PTP4A3: variants seen among roughly 807,000 people sequenced by gnomAD.
PTP4A3 encodes protein tyrosine phosphatase type IVA 3.
Under a neutral mutation model 15.2 loss-of-function variants are expected in PTP4A3, and 9 were observed. That is an observed-to-expected ratio of 0.59 (90% confidence interval 0.36 to 1.03). The LOEUF is 1.03. Among genes scored for constraint, PTP4A3 ranks in the 50% least tolerant of loss-of-function variants. PTP4A3 has a pLI of 0.02. For synonymous variants in PTP4A3, 95 were observed against 102.0 expected (o/e 0.93, Z 0.41); for missense variants, 234 against 252.1 (o/e 0.93, Z 0.49).
chr8:141,410,911 C>T (rs1199262076), intron 1 of PTP4A3, among the ~76,000 whole-genome samples: 1 of 152,160 alleles, frequency 6.6e-6, no homozygotes. Flanking sequence ...TTGAGCTGAG[C>T]TTTGAGCCGG....
At chr8:141,429,014 G>A (rs1053077944) in intron 5 of PTP4A3, among the ~76,000 whole-genome samples, 15 of 152,238 alleles carry the variant, frequency 9.9e-5, no homozygotes, top group African/African-American at 3.6e-4. Flanking sequence ...TGTGGCTTTT[G>A]CTGTGTGGCT....
chr8:141,415,569 C>G (rs866069377), intron 1 of PTP4A3, among the ~76,000 whole-genome samples: 1 of 145,280 alleles, frequency 6.9e-6, no homozygotes, highest in Non-Finnish European at 1.5e-5. Flanking sequence ...TGCCCAGCCC[C>G]GCGCCCCCGC....
intron 2 of PTP4A3, among the ~76,000 whole-genome samples, chr8:141,423,636 G>T (rs1833433741): frequency 6.6e-6 from 1 of 151,746 alleles, no homozygotes; most frequent in Non-Finnish European, 1.5e-5. Context: ...GGGGCTCAGT[G>T]TTTGACCAGG....
rs12549801 is a variant in PTP4A3 at position 141,431,542 on chromosome 8, A to G, written c.*498A>G. 0.73 allele frequency: 111,003 copies of G among 153,052 alleles called. 40,602 individuals are homozygous for G. The highest frequency in any genetic ancestry group is 0.82 in the Middle Eastern group (249 of 302). The allele number at this position is 153,052 out of a possible 1,614,324, so 9.5% of individuals were successfully genotyped here. The stretch of plus-strand genomic sequence containing the variant: ...CGTGGCCGTGTGTGTGGAGTGGGCT[A>G]CAGCGTCAGGCGGGGCGGGCTGGTG... On this transcript the variant is annotated 3_prime_UTR_variant, in exon 6 of 6. Coordinates refer to ENST00000521578, the MANE Select transcript of PTP4A3 (RefSeq NM_032611.3).
chr8:141,422,897 G>A (rs954051068), intron 2 of PTP4A3, among the ~76,000 whole-genome samples: 3 of 152,240 alleles, frequency 2.0e-5, no homozygotes, highest in Admixed American at 1.3e-4. Flanking sequence ...TGGCAGATGG[G>A]ACGAGATGCG....
chr8:141,413,181 G>A (rs921701333), intron 1 of PTP4A3, among the ~76,000 whole-genome samples: 13 of 152,328 alleles, frequency 8.5e-5, no homozygotes, highest in East Asian at 7.7e-4. Context: ...TGAACTCTCC[G>A]GGAGGCCAGA....
Position 141,432,014 on chromosome 8 carries a change from C to T in PTP4A3, c.*970C>T, listed in dbSNP as rs1184201782. 1 of 152,358 alleles carries T rather than the reference C, an allele frequency of 6.6e-6. No homozygotes were observed. The highest frequency in any genetic ancestry group is 2.4e-5 in the African/African-American group (1 of 41,450). 9.4% of individuals were successfully genotyped at this position (152,358 alleles called of 1,614,324 possible). A position where few individuals can be genotyped will look rare whatever the true frequency, so the allele number is the denominator to read the frequency against. ...GCACCTGGGGCTGGATGTGAGAGGC[C>T]TGGACCAGGGCCCGCCGGAGGGCGT... is the stretch of plus-strand genomic sequence containing the variant. On this transcript the variant is annotated 3_prime_UTR_variant, in exon 6 of 6. Coordinates refer to ENST00000521578, the MANE Select transcript of PTP4A3 (RefSeq NM_032611.3).
In PTP4A3 at chr8:141,406,626, C is replaced by G. The variant is rs1832731521; in HGVS notation, c.-854+14542C>G. On this transcript the variant is annotated intron_variant, in intron 1 of 5. Coordinates refer to ENST00000521578, the MANE Select transcript of PTP4A3 (RefSeq NM_032611.3). This position sits in a 1 kb window ranked among gnomAD's most constrained non-coding sequence, Gnocchi z 4.5. Reference sequence around the variant, plus strand: ...TTTGTGATCAAACGGGGCCCAGACTCATTGACATCCTGCGTGAACTACAGT... The same window carrying G: ...TTTGTGATCAAACGGGGCCCAGACTGATTGACATCCTGCGTGAACTACAGT... Among the ~76,000 whole-genome samples, 1 of 152,226 alleles carries G rather than the reference C, an allele frequency of 6.6e-6. No individual in the cohort carries two copies. The highest frequency in any genetic ancestry group is 2.1e-4 in the South Asian group (1 of 4,836).
At chr8:141,413,294 T>C (rs1192520975) in intron 1 of PTP4A3, among the ~76,000 whole-genome samples, 3 of 152,174 alleles carry the variant, frequency 2.0e-5, no homozygotes, top group Non-Finnish European at 4.4e-5. Flanking sequence ...GAGCTCCGAA[T>C]GAAACTCCAT....
At chr8:141,415,439 G>C (rs981893418) in intron 1 of PTP4A3, among the ~76,000 whole-genome samples, 2 of 151,154 alleles carry the variant, frequency 1.3e-5, no homozygotes, top group African/African-American at 4.9e-5. Flanking sequence ...CCAGGCCAGC[G>C]CTGGAGGGAC....
intron 1 of PTP4A3, among the ~76,000 whole-genome samples, chr8:141,397,333 C>T (rs1451886415): frequency 2.6e-5 from 4 of 152,056 alleles, no homozygotes; most frequent in Admixed American, 1.3e-4. Context: ...GTGGGGGGCT[C>T]TCTGAAGGAG....
chr8:141,398,023 G>T (rs1210312483), intron 1 of PTP4A3, among the ~76,000 whole-genome samples: 5 of 152,228 alleles, frequency 3.3e-5, no homozygotes, highest in Non-Finnish European at 5.9e-5. Context: ...TCTGCCTGAG[G>T]CCTGCTTGGA....
Position 141,425,917 on chromosome 8 carries a change from C to T in PTP4A3, c.198+777C>T, listed in dbSNP as rs529536546. On this transcript the variant is annotated intron_variant, in intron 3 of 5. Transcript: ENST00000521578. The surrounding 1 kb of genome is among the most constrained non-coding windows in gnomAD (Gnocchi z 4.2). Reference sequence around the variant, plus strand: ...CTCTGCCCTCCCCAGCCTTGCGACCCTGCAGGTCACTCCGAGCCTTGGGTT... The same window carrying T: ...CTCTGCCCTCCCCAGCCTTGCGACCTTGCAGGTCACTCCGAGCCTTGGGTT... Among the ~76,000 whole-genome samples, 1 of 152,320 alleles carries T rather than the reference C, an allele frequency of 6.6e-6. No homozygotes were observed. Among genetic ancestry groups the T allele is most frequent in the South Asian group, 2.1e-4 (1 of 4,834 alleles).
At chr8:141,405,211 G>A (rs544852307) in intron 1 of PTP4A3, among the ~76,000 whole-genome samples, 30 of 152,332 alleles carry the variant, frequency 2.0e-4, no homozygotes, top group African/African-American at 6.3e-4. Context: ...GAGGCTGTGG[G>A]GACCCAGGTC....
intron 1 of PTP4A3, among the ~76,000 whole-genome samples, chr8:141,399,363 G>A (rs1832530349): frequency 6.6e-6 from 1 of 152,128 alleles, no homozygotes; most frequent in African/African-American, 2.4e-5. Flanking sequence ...CCCGGGCTTT[G>A]CTTCCCTCTG....
At chr8:141,399,285 G>C (rs915800140) in intron 1 of PTP4A3, among the ~76,000 whole-genome samples, 2 of 152,190 alleles carry the variant, frequency 1.3e-5, no homozygotes, top group Non-Finnish European at 2.9e-5. Flanking sequence ...TGGTCCTGGG[G>C]CCCCTGCCAA....
At chr8:141,399,737 C>A (rs1360324814) in intron 1 of PTP4A3, among the ~76,000 whole-genome samples, 2 of 152,222 alleles carry the variant, frequency 1.3e-5, no homozygotes, top group Non-Finnish European at 2.9e-5. Context: ...CCTTTACTCT[C>A]TTCCAGGCCT....
chr8:141,428,473 C>G (rs1267566376), intron 5 of PTP4A3, among the ~76,000 whole-genome samples: 5 of 152,328 alleles, frequency 3.3e-5, no homozygotes, highest in Middle Eastern at 3.4e-3. Context: ...TGCCCCTGCC[C>G]AGCCCACCAT....
chr8:141,425,174 CTGCCA>C lies in PTP4A3; in HGVS notation c.198+35_198+39del. ...CGCGCCACGGGGACCCTAGTCACTG[CTGCCA>C]CCGGGGGAGGGTGGGGCGGGGGGCT... On this transcript the variant is annotated intron_variant, in intron 3 of 5. Transcript: ENST00000521578. This position sits in a 1 kb window ranked among gnomAD's most constrained non-coding sequence, Gnocchi z 4.2. The C allele has an allele frequency of 1.1e-6, 1 of 946,418 alleles. No individual in the cohort carries two copies. Among genetic ancestry groups the C allele is most frequent in the Non-Finnish European group, 1.6e-6 (1 of 623,184 alleles). The allele number at this position is 946,418 out of a possible 1,614,324, so 58.6% of individuals were successfully genotyped here. A position where few individuals can be genotyped will look rare whatever the true frequency, so the allele number is the denominator to read the frequency against.
Sources: gnomAD v4.1 joint callset for allele counts (sites outside exome capture counted in the v4.1 genomes callset) on GRCh38, gnomAD v4.1.1 for gene constraint, Gnocchi (gnomAD v3.1) non-coding constraint, MANE v1.5 for transcripts, NCBI Gene and HGNC (gene_info 2026-07-23, HGNC 2026-07-21) for gene names.